RGL1: variants seen among roughly 807,000 people sequenced by gnomAD.
RGL1 encodes ral guanine nucleotide dissociation stimulator like 1.
A neutral mutation model predicts 95.2 loss-of-function variants in RGL1; 24 were observed. That is an observed-to-expected ratio of 0.25 (90% CI 0.18 to 0.35). RGL1 has a LOEUF of 0.35. RGL1 is among the 10% of genes least tolerant of loss of function. The pLI, the probability that RGL1 is intolerant of heterozygous loss-of-function variation, is 1.00. For missense variants in RGL1, 715 were observed against 936.3 expected, an observed-to-expected ratio of 0.76 and a Z score of 3.08; for synonymous variants, 329 against 344.9, an observed-to-expected ratio of 0.95 and a Z score of 0.51.
intron 2 of RGL1, among the ~76,000 whole-genome samples, chr1:183,786,944 C>T (rs2102368250): frequency 6.6e-6 from 1 of 152,208 alleles, no homozygotes; most frequent in Admixed American, 6.5e-5. Context: ...CTAGTTATTG[C>T]CAATACAAAA....
intron 2 of RGL1, among the ~76,000 whole-genome samples, chr1:183,814,053 ATTGT>A (rs1046048018): frequency 6.6e-5 from 10 of 152,056 alleles, no homozygotes; most frequent in African/African-American, 2.4e-4. Context: ...CATTATTGAG[ATTGT>A]TTGATTGACT....
At chr1:183,914,414 G>A (rs1250323273) in intron 15 of RGL1, among the ~76,000 whole-genome samples, 1 of 152,022 alleles carries the variant, frequency 6.6e-6, no homozygotes, top group Non-Finnish European at 1.5e-5. Context: ...TGATTCACTT[G>A]GATGCAAGTA....
chr1:183,888,404 C>T, intron 7 of RGL1, 70 bp from the exon 8 acceptor site: 1 of 925,886 alleles, frequency 1.1e-6, no homozygotes, highest in South Asian at 1.4e-5. Flanking sequence ...ACCTCTAAAA[C>T]AGGAAACCAC....
intron 2 of RGL1, among the ~76,000 whole-genome samples, chr1:183,833,955 T>G (rs932805659): frequency 1.0e-5 from 1 of 100,174 alleles, no homozygotes; most frequent in Non-Finnish European, 2.1e-5. Context: ...ATGAGCCATA[T>G]CTCTCTCTGT....
At chr1:183,760,703 T>C (rs1216594002) in intron 2 of RGL1, among the ~76,000 whole-genome samples, 1 of 151,968 alleles carries the variant, frequency 6.6e-6, no homozygotes, top group Non-Finnish European at 1.5e-5. Flanking sequence ...TAGTGAGGTA[T>C]GATTGCACCA....
intron 1 of RGL1, among the ~76,000 whole-genome samples, chr1:183,692,489 C>A (rs1654004753): frequency 5.3e-5 from 8 of 152,158 alleles, no homozygotes; most frequent in Admixed American, 5.2e-4. Flanking sequence ...AAGGTCCAGG[C>A]CTTTGTAAAC....
At position 183,836,226 on chromosome 1, in the gene RGL1, A is replaced by G. The variant is rs572475395; in HGVS notation, c.139-11340A>G. Among the ~76,000 whole-genome samples the G allele has an allele frequency of 5.9e-5, 9 of 152,194 alleles. No individual in the cohort carries two copies. The South Asian group carries it at 1.9e-3, about 32-fold the overall frequency. ...CTTATGAAGAAGAAAACCTATTAAG[A>G]AAAAAAGCCAGTTTAGTGTATCTTT... On this transcript the variant is annotated intron_variant, in intron 2 of 17. Transcript: ENST00000360851.
intron 3 of RGL1, among the ~76,000 whole-genome samples, chr1:183,850,658 C>G (rs964788321): frequency 6.6e-6 from 1 of 152,048 alleles, no homozygotes; most frequent in African/African-American, 2.4e-5. Context: ...CAAAATAGGC[C>G]TGGAATATAA....
chr1:183,854,010 A>G (rs1664985992), intron 3 of RGL1, among the ~76,000 whole-genome samples: 1 of 152,194 alleles, frequency 6.6e-6, no homozygotes, highest in Non-Finnish European at 1.5e-5. Flanking sequence ...AATGTGTACT[A>G]TGTACTGTAC....
chr1:183,874,795 T>C (rs1357934365), intron 4 of RGL1, among the ~76,000 whole-genome samples: 1 of 152,240 alleles, frequency 6.6e-6, no homozygotes, highest in Non-Finnish European at 1.5e-5. Context: ...TCTTTCTTTG[T>C]TCCTTCTCAT....
At chr1:183,907,208 C>T (rs906135492) in intron 14 of RGL1, 107 bp downstream of exon 14, 71 of 690,022 alleles carry the variant, frequency 1.0e-4, no homozygotes, top group Middle Eastern at 9.4e-4. Flanking sequence ...GTGAAGAGCA[C>T]TCCGCTCATT....
At chr1:183,899,567 C>T (rs1301534511) in intron 10 of RGL1, among the ~76,000 whole-genome samples, 3 of 152,314 alleles carry the variant, frequency 2.0e-5, no homozygotes, top group East Asian at 1.9e-4. Flanking sequence ...ATGGTTTCAG[C>T]GTGACATCTG....
At chr1:183,839,137 G>C (rs1332157451) in intron 2 of RGL1, among the ~76,000 whole-genome samples, 1 of 152,104 alleles carries the variant, frequency 6.6e-6, no homozygotes, top group Admixed American at 6.6e-5. Context: ...CTTTACTCTT[G>C]GAACCAGCTT....
intron 1 of RGL1, among the ~76,000 whole-genome samples, chr1:183,739,278 T>G (rs1657137801): frequency 6.6e-6 from 1 of 152,236 alleles, no homozygotes; most frequent in Admixed American, 6.5e-5. Flanking sequence ...GGCACCATTG[T>G]GCCAGTGAGC....
chr1:183,667,229 G>A (rs982834393), intron 1 of RGL1, among the ~76,000 whole-genome samples: 11 of 151,750 alleles, frequency 7.2e-5, no homozygotes, highest in African/African-American at 2.4e-4. Flanking sequence ...TTTAAAGTGG[G>A]TTTCTTTTAA....
chr1:183,661,613 G>A (rs866888476), intron 1 of RGL1, among the ~76,000 whole-genome samples: 4 of 148,008 alleles, frequency 2.7e-5, no homozygotes, highest in African/African-American at 1.0e-4. Flanking sequence ...ATTCACAGCC[G>A]AATTCTACCA....
rs1242362301 is a variant in RGL1, at chr1:183,916,510, T to C, written c.1813T>C (p.Ser605Pro). The C allele has an allele frequency of 1.9e-6, 3 of 1,613,778 alleles. No individual in the cohort carries two copies. The highest frequency in any genetic ancestry group is 2.2e-5 in the East Asian group (1 of 44,872). The change falls in exon 16 of 18, where the codon TCT (serine) becomes CCT (proline). Residue 605 changes from serine to proline, a missense_variant. Transcript: ENST00000360851. ...HSMDTNSSGM[S>P]SLINPLSSPP... ...CATGGACACAAATTCCTCAGGGATG[T>C]CTTCCTTAATCAACCCCCTCTCCTC...
At chr1:183,866,567 A>G (rs1312697646) in intron 4 of RGL1, among the ~76,000 whole-genome samples, 1 of 152,168 alleles carries the variant, frequency 6.6e-6, no homozygotes, top group Non-Finnish European at 1.5e-5. Flanking sequence ...GCGGTGTTTG[A>G]GAATCAGCAG....
intron 3 of RGL1, among the ~76,000 whole-genome samples, chr1:183,850,105 G>A (rs1221086206): frequency 6.6e-6 from 1 of 152,042 alleles, no homozygotes; most frequent in African/African-American, 2.4e-5. Context: ...TTGAATTTGT[G>A]CTTCTTACAT....
Sources: allele counts gnomAD v4.1 joint callset (sites outside exome capture counted in the v4.1 genomes callset), GRCh38; gene constraint gnomAD v4.1.1; transcripts MANE v1.5; gene names NCBI Gene and HGNC (gene_info 2026-07-23, HGNC 2026-07-21).